ATXN1: variants seen among roughly 807,000 people sequenced by gnomAD.
The protein encoded by ATXN1 is ataxin-1.
Under a neutral mutation model 56.4 loss-of-function variants are expected in ATXN1, and 8 were observed. The observed-to-expected ratio is 0.14, with a 90% CI of 0.08 to 0.26. The LOEUF is 0.26. Ranked by LOEUF, ATXN1 falls within the 10% of genes least tolerant of loss-of-function variation. ATXN1 has a pLI of 1.00. For missense variants in ATXN1, 987 were observed against 1,106.5 expected (o/e 0.89, Z 1.53); for synonymous variants, 514 against 494.6 (o/e 1.04, Z -0.52).
chr6:16,466,697 G>GTATA (rs35542349), intron 6 of ATXN1, among the ~76,000 whole-genome samples: 8 of 151,568 alleles, frequency 5.3e-5, no homozygotes, highest in African/African-American at 9.7e-5. Flanking sequence ...GTATTTATTT[G>GTATA]TATATATATA....
chr6:16,512,381 TC>T (rs1373236050), intron 5 of ATXN1, among the ~76,000 whole-genome samples: 1 of 152,190 alleles, frequency 6.6e-6, no homozygotes, highest in East Asian at 1.9e-4. Context: ...AAATCACCCC[TC>T]AGCTCTAAGA....
intron 6 of ATXN1, among the ~76,000 whole-genome samples, chr6:16,335,074 G>A (rs1397149285): frequency 2.6e-5 from 4 of 152,176 alleles, no homozygotes; most frequent in East Asian, 1.9e-4. Flanking sequence ...TTGGGTGTTC[G>A]AACTACTTAC....
intron 2 of ATXN1, among the ~76,000 whole-genome samples, chr6:16,736,167 A>G (rs1484951096): frequency 6.6e-6 from 1 of 152,226 alleles, no homozygotes; most frequent in East Asian, 1.9e-4. Context: ...ATTTCACTTA[A>G]TGTGAGCATG....
chr6:16,616,356 A>G (rs1763208271), intron 3 of ATXN1, among the ~76,000 whole-genome samples: 1 of 151,682 alleles, frequency 6.6e-6, no homozygotes, highest in Non-Finnish European at 1.5e-5. Context: ...CCTGGCTAAC[A>G]TGGTGAAACC....
intron 4 of ATXN1, among the ~76,000 whole-genome samples, chr6:16,544,210 G>A (rs1239889200): frequency 4.6e-5 from 7 of 152,206 alleles, no homozygotes; most frequent in African/African-American, 1.4e-4. Flanking sequence ...AGTGTGTGAC[G>A]AAGGTTGTGC....
intron 6 of ATXN1, among the ~76,000 whole-genome samples, chr6:16,346,562 G>GAA (rs1761393554): frequency 6.6e-6 from 1 of 152,218 alleles, no homozygotes; most frequent in East Asian, 1.9e-4. Context: ...TCCTGAGCAG[G>GAA]AAGCACATAG....
intron 2 of ATXN1, among the ~76,000 whole-genome samples, chr6:16,740,662 G>A (rs532093391): frequency 1.3e-5 from 2 of 152,060 alleles, no homozygotes; most frequent in East Asian, 1.9e-4. Flanking sequence ...TTTAGGCTCC[G>A]GCACTATAAA....
At chr6:16,466,425 A>T (rs1349081576) in intron 6 of ATXN1, among the ~76,000 whole-genome samples, 1 of 151,874 alleles carries the variant, frequency 6.6e-6, no homozygotes, top group Admixed American at 6.6e-5. Context: ...TCTCTTTCAG[A>T]ATTCTCATCT....
At chr6:16,670,295 A>C (rs755250057) in intron 2 of ATXN1, among the ~76,000 whole-genome samples, 1 of 151,996 alleles carries the variant, frequency 6.6e-6, no homozygotes, top group Non-Finnish European at 1.5e-5. Context: ...GCCTGCTCTC[A>C]TGGTTCTCCA....
intron 6 of ATXN1, among the ~76,000 whole-genome samples, chr6:16,343,393 A>T (rs1761301651): frequency 6.6e-6 from 1 of 152,112 alleles, no homozygotes; most frequent in African/African-American, 2.4e-5. Context: ...TTGTGAACAA[A>T]CTGCATTTCT....
intron 7 of ATXN1, among the ~76,000 whole-genome samples, chr6:16,310,267 A>G (rs1760358865): frequency 6.6e-6 from 1 of 152,206 alleles, no homozygotes; most frequent in African/African-American, 2.4e-5. Flanking sequence ...GAATGAAGGC[A>G]AAATAGAGAC....
At chr6:16,476,754 C>T (rs1337958735) in intron 6 of ATXN1, among the ~76,000 whole-genome samples, 1 of 152,148 alleles carries the variant, frequency 6.6e-6, no homozygotes, top group Non-Finnish European at 1.5e-5. Flanking sequence ...CAACAGCTAC[C>T]CTTGGAGTTT....
chr6:16,540,500 C>A (rs1381286267), intron 4 of ATXN1, among the ~76,000 whole-genome samples: 1 of 152,198 alleles, frequency 6.6e-6, no homozygotes, highest in Non-Finnish European at 1.5e-5. Flanking sequence ...GCATGAGCCA[C>A]TGCGCCCGGA....
At chr6:16,366,647 G>A (rs1761926858) in intron 6 of ATXN1, among the ~76,000 whole-genome samples, 1 of 151,912 alleles carries the variant, frequency 6.6e-6, no homozygotes, top group Non-Finnish European at 1.5e-5. Flanking sequence ...CGGGCATGAT[G>A]GCGGGCACCT....
chr6:16,407,035 C>CA (rs112217043), intron 6 of ATXN1, among the ~76,000 whole-genome samples: 91 of 152,196 alleles, frequency 6.0e-4, no homozygotes, highest in African/African-American at 2.0e-3. Context: ...TTTACAGCAC[C>CA]AAAGAACAAG....
intron 6 of ATXN1, among the ~76,000 whole-genome samples, chr6:16,350,764 A>G (rs564411730): frequency 6.6e-6 from 1 of 152,240 alleles, no homozygotes; most frequent in African/African-American, 2.4e-5. Flanking sequence ...AAATCACCGA[A>G]CCCAAGCCTT....
chr6:16,480,176 AAT>A lies in ATXN1; in HGVS notation c.-161+5794_-161+5795del, dbSNP rs1561718216. On this transcript the variant is annotated intron_variant, in intron 6 of 7. Coordinates refer to ENST00000436367, the MANE Select transcript of ATXN1 (RefSeq NM_001128164.2). ...CTGCAAAAAAAAAAAAAAAAAAAAA[AAT>A]ATCTAAAATGATCCTGAAGAAAATG... Among the ~76,000 whole-genome samples, 3 of 148,596 alleles carry A rather than the reference AAT, an allele frequency of 2.0e-5. No individual in the cohort carries two copies. The South Asian group carries it at 6.4e-4, about 32-fold the overall frequency.
intron 6 of ATXN1, among the ~76,000 whole-genome samples, chr6:16,484,084 C>T (rs1244605126): frequency 1.3e-5 from 2 of 152,124 alleles, no homozygotes; most frequent in African/African-American, 2.4e-5. Context: ...ATAGTGCTTT[C>T]ACAATGCTCT....
At position 16,326,477 on chromosome 6, in the gene ATXN1, A is replaced by G; in HGVS notation, c.1834T>C (p.Ser612Pro). Residue 612 changes from serine (S) to proline (P), a missense_variant, in exon 7 of 8, where the codon TCC becomes CCC. Physicochemically the swap from Ser to Pro is moderately conservative, Grantham distance 74. This residue lies in a region of ATXN1 where 68 missense variants were observed against 118.1 expected (regional missense o/e 0.58). Coordinates refer to ENST00000436367, the MANE Select transcript of ATXN1 (RefSeq NM_001128164.2). This position sits in a 1 kb window ranked among gnomAD's most constrained non-coding sequence, Gnocchi z 6.6. Reference protein sequence around the residue: ...AEISNDLKIDSSTVERIEDSH... With the variant: ...AEISNDLKIDPSTVERIEDSH... ...TCTTCAATCCTCTCTACGGTGCTGG[A>G]GTCGATCTTCAGGTCGTTGCTTATC... is the stretch of plus-strand genomic sequence containing the variant. 1 of 1,614,138 alleles carries G rather than the reference A, an allele frequency of 6.2e-7. No homozygotes were observed. The highest frequency in any genetic ancestry group is 2.2e-5 in the East Asian group (1 of 44,872).
Sources: gnomAD v4.1 joint callset for allele counts (sites outside exome capture counted in the v4.1 genomes callset) on GRCh38, gnomAD v4.1.1 for gene constraint, gnomAD v4.1.1 regional missense constraint, Gnocchi (gnomAD v3.1) non-coding constraint, MANE v1.5 for transcripts, NCBI Gene and HGNC (gene_info 2026-07-23, HGNC 2026-07-21) for gene names.